The following SETD5 variants were observed in gnomAD, a reference collection of about 807,000 sequenced individuals.
SETD5 encodes SET domain containing 5.
SETD5 carries 44 observed loss-of-function variants against 153.3 expected under a neutral mutation model. That is an observed-to-expected ratio of 0.29 (90% CI 0.23 to 0.37). The LOEUF is 0.37. Among genes scored for constraint, SETD5 ranks in the 10% least tolerant of loss-of-function variants. The pLI, the probability that SETD5 is intolerant of heterozygous loss-of-function variation, is 1.00. For missense variants in SETD5, 1,544 were observed against 1,768.0 expected (o/e 0.87, Z 2.27); for synonymous variants, 716 against 645.2 (o/e 1.11, Z -1.66).
At position 9,448,615 on chromosome 3, in the gene SETD5, C is replaced by A. The variant is rs753979046; in HGVS notation, c.2331C>A (p.Phe777Leu). 3 of 1,594,472 alleles carry A rather than the reference C, an allele frequency of 1.9e-6. No individual in the cohort carries two copies. The South Asian group carries it at 3.4e-5, about 18-fold the overall frequency. ...GGCCCCTTCTGCCTGATGGCACATT[C>A]AGCTCCTGTAAGAAGGTATGTCTGT... ...RRRPLLPDGT[F>L]SSCKKRWIKQ... The change falls in exon 16 of 23, where the codon TTC becomes TTA. Residue 777 changes from phenylalanine (F) to leucine (L), a missense_variant. Phe to Leu is a conservative substitution (Grantham distance 22). Coordinates refer to ENST00000402198, the MANE Select transcript of SETD5 (RefSeq NM_001080517.3).
chr3:9,464,757 T>C (rs1246863098), intron 18 of SETD5, 85 bp downstream of exon 18: 2 of 1,594,204 alleles, frequency 1.3e-6, no homozygotes, highest in South Asian at 2.2e-5. Flanking sequence ...CCATTCCAAA[T>C]GTTTCTTTAC....
chr3:9,445,516 C>T (rs2041833148), intron 12 of SETD5, 141 bp from the exon 13 acceptor site: 1 of 873,776 alleles, frequency 1.1e-6, no homozygotes. Context: ...TAGTTATCAT[C>T]TGTGTTTACC....
intron 19 of SETD5, 57 bp from the exon 20 acceptor site, chr3:9,473,179 C>A (rs1206321322): frequency 4.5e-6 from 7 of 1,540,576 alleles, no homozygotes; most frequent in South Asian, 2.5e-5. Context: ...GCTGGTGATC[C>A]ACTAATGATA....
chr3:9,470,950 C>A, intron 19 of SETD5, 21 bp downstream of exon 19: 1 of 1,349,176 alleles, frequency 7.4e-7, no homozygotes, highest in African/African-American at 1.5e-5. Context: ...CATGTTATAT[C>A]GGCGAACTTT....
chr3:9,426,318 T>G (rs1298685424), intron 2 of SETD5: 1 of 134,946 alleles, frequency 7.4e-6, no homozygotes, highest in African/African-American at 2.7e-5. Flanking sequence ...CACTGCAACC[T>G]CCACCTCCCA....
intron 6 of SETD5, among the ~76,000 whole-genome samples, chr3:9,435,243 CAAAAAAAAAAAA>C (rs5846637): frequency 2.5e-5 from 2 of 80,174 alleles, no homozygotes; most frequent in South Asian, 4.8e-4. Flanking sequence ...AACTCCCTCT[CAAAAAAAAAAAA>C]AAAAAAAAAA....
Position 9,475,607 on chromosome 3 carries a change from G to C in SETD5, c.3845G>C (p.Gly1282Ala). The C allele has an allele frequency of 6.2e-7, 1 of 1,613,828 alleles. No individual in the cohort carries two copies. The highest frequency in any genetic ancestry group is 8.5e-7 in the Non-Finnish European group (1 of 1,179,860). ...TATCGAACTACTGCACTGAGACCTG[G>C]AAACCCCCCCTCTCACGGTTCTTCA... Reference protein sequence around the residue: ...YSYRTTALRPGNPPSHGSSES... With the variant: ...YSYRTTALRPANPPSHGSSES... Residue 1282 changes from glycine (G) to alanine (A), a missense_variant, in exon 23 of 23, where the codon GGA (glycine) becomes GCA (alanine). By Grantham distance (60) the Gly-to-Ala change is moderately conservative (BLOSUM62 0). Transcript: ENST00000402198.
In SETD5 at chr3:9,476,235, CTT is replaced by C. The variant is rs561566665; in HGVS notation, c.*145_*146del. 3.4e-6 allele frequency: 4 copies of C among 1,172,338 alleles called. No homozygotes were observed. The South Asian group carries it at 6.5e-5, about 19-fold the overall frequency. 72.6% of individuals were successfully genotyped at this position (1,172,338 alleles called of 1,614,324 possible). ...TGGGTCTGGTGGACAAGAAACAAGA[CTT>C]GTGGTCACAATTGGCCTCTGGCCTT... On this transcript the variant is annotated 3_prime_UTR_variant, in exon 23 of 23. Transcript: ENST00000402198.
Position 9,447,966 on chromosome 3 carries a change from A to G in SETD5, c.2063A>G (p.His688Arg), listed in dbSNP as rs1379859620. The G allele has an allele frequency of 1.2e-6, 2 of 1,613,956 alleles. No homozygotes were observed. Among genetic ancestry groups the G allele is most frequent in the South Asian group, 1.1e-5 (1 of 91,068 alleles). ...DPTVVSITGS[H>R]VNRAASKYPK... is the part of the protein sequence containing the mutation. ...ACTGTGGTGTCAATTACTGGATCCC[A>G]TGTCAACCGTGCTGCATCTAAATAC... is the stretch of plus-strand genomic sequence containing the variant. The change falls in exon 15 of 23, where the codon CAT (histidine) becomes CGT (arginine). Residue 688 changes from histidine to arginine, a missense_variant. Physicochemically the swap from His to Arg is conservative, Grantham distance 29. Around this residue, in one of 9 missense-constraint regions of SETD5, gnomAD observed 782 missense variants for 787.2 expected, o/e 0.99. Coordinates refer to ENST00000402198, the MANE Select transcript of SETD5 (RefSeq NM_001080517.3).
At chr3:9,457,149 A>G (rs17050363) in intron 17 of SETD5, among the ~76,000 whole-genome samples, 5,264 of 152,286 alleles carry the variant, frequency 0.035, 338 homozygotes, top group African/African-American at 0.12. Flanking sequence ...ATGTGGGTCT[A>G]TTCTTAGAAG....
intron 17 of SETD5, among the ~76,000 whole-genome samples, chr3:9,463,283 A>C (rs995681075): frequency 6.6e-6 from 1 of 152,136 alleles, no homozygotes; most frequent in Non-Finnish European, 1.5e-5. Flanking sequence ...CAGCCTCCCA[A>C]AGTGCTGGGA....
intron 17 of SETD5, among the ~76,000 whole-genome samples, chr3:9,462,022 G>T (rs1263340936): frequency 6.6e-6 from 1 of 152,168 alleles, no homozygotes; most frequent in Non-Finnish European, 1.5e-5. Flanking sequence ...AAAATCCTGA[G>T]ATATCAGAAA....
At chr3:9,463,780 G>A (rs563649446) in intron 17 of SETD5, among the ~76,000 whole-genome samples, 8 of 152,302 alleles carry the variant, frequency 5.3e-5, no homozygotes, top group Admixed American at 3.9e-4. Context: ...TGGTGATATA[G>A]CAGTTTAGTA....
intron 1 of SETD5, among the ~76,000 whole-genome samples, chr3:9,409,143 A>G (rs941526309): frequency 2.0e-5 from 3 of 152,180 alleles, no homozygotes; most frequent in South Asian, 2.1e-4. Flanking sequence ...GACAGAATCT[A>G]GAGGACTTCA....
chr3:9,398,854 C>T (rs1454391200), intron 1 of SETD5, among the ~76,000 whole-genome samples: 1 of 152,166 alleles, frequency 6.6e-6, no homozygotes, highest in African/African-American at 2.4e-5. Context: ...AGAGTCCTTG[C>T]TTGTCTCACT....
Position 9,434,752 on chromosome 3 carries a change from C to A in SETD5, c.330-72C>A. 1 of 1,530,498 alleles carries A rather than the reference C, an allele frequency of 6.5e-7. No homozygotes were observed. The highest frequency in any genetic ancestry group is 1.3e-5 in the South Asian group (1 of 79,432). The allele number at this position is 1,530,498 out of a possible 1,614,324, so 94.8% of individuals were successfully genotyped here. On this transcript the variant is annotated intron_variant, in intron 5 of 22. Transcript: ENST00000402198. This position sits in a 1 kb window ranked among gnomAD's most constrained non-coding sequence, Gnocchi z 5.6. ...GGAGGGGGTAGCATATGCAGAGACA[C>A]TTCGCCCATGTGTGCTATGATGTGA...
At chr3:9,442,626 A>G (rs1386696422) in intron 10 of SETD5, among the ~76,000 whole-genome samples, 1 of 152,228 alleles carries the variant, frequency 6.6e-6, no homozygotes, top group African/African-American at 2.4e-5. Context: ...GAGAGGATCT[A>G]GACATTTCTA....
chr3:9,431,148 C>A, intron 3 of SETD5: 1 of 985,378 alleles, frequency 1.0e-6, no homozygotes, highest in Non-Finnish European at 1.2e-6. Flanking sequence ...CAACTATATG[C>A]AATACGCATT....
chr3:9,404,687 C>G (rs1025652289), intron 1 of SETD5, among the ~76,000 whole-genome samples: 16 of 152,158 alleles, frequency 1.1e-4, no homozygotes, highest in African/African-American at 3.9e-4. Context: ...ACACCCTCCC[C>G]CTTCCCAGAT....
Sources: allele counts gnomAD v4.1 joint callset (sites outside exome capture counted in the v4.1 genomes callset), GRCh38; gene constraint gnomAD v4.1.1; regional missense constraint gnomAD v4.1.1; non-coding constraint Gnocchi (gnomAD v3.1); transcripts MANE v1.5; gene names NCBI Gene and HGNC (gene_info 2026-07-23, HGNC 2026-07-21).